The following NRG3 variants were observed in gnomAD, a reference collection of about 807,000 sequenced individuals.
The protein encoded by NRG3 is pro-neuregulin-3, membrane-bound isoform.
In NRG3, 31 loss-of-function variants were observed where a neutral mutation model predicts 66.9. That is an observed-to-expected ratio of 0.46 (90% confidence interval 0.35 to 0.63). The LOEUF (loss-of-function observed/expected upper bound fraction) is 0.63, where lower values mean the gene tolerates loss of function less well. NRG3 is among the 20% of genes least tolerant of loss of function. NRG3 has a pLI of 0.00. For synonymous variants in NRG3, 393 were observed against 359.4 expected, an observed-to-expected ratio of 1.09 and a Z score of -1.06; for missense variants, 910 against 878.9, an observed-to-expected ratio of 1.04 and a Z score of -0.45.
chr10:81,930,367 A>G (rs532153291), intron 1 of NRG3, among the ~76,000 whole-genome samples: 38 of 152,296 alleles, frequency 2.5e-4, no homozygotes, highest in African/African-American at 8.7e-4. Context: ...AATTCAGGAA[A>G]GCATTATACT....
intron 2 of NRG3, among the ~76,000 whole-genome samples, chr10:82,522,039 C>CTTTT (rs71009811): frequency 1.4e-4 from 14 of 97,744 alleles, no homozygotes; most frequent in African/African-American, 2.5e-4. Flanking sequence ...CCGCTGAAGT[C>CTTTT]TTTTTTTTTT....
At chr10:82,153,967 C>G (rs541326767) in intron 1 of NRG3, among the ~76,000 whole-genome samples, 2 of 151,680 alleles carry the variant, frequency 1.3e-5, no homozygotes, top group Admixed American at 1.3e-4. Context: ...GGATATTAGC[C>G]CCTTATCAGA....
chr10:82,151,043 C>A (rs1258311043), intron 1 of NRG3, among the ~76,000 whole-genome samples: 1 of 152,188 alleles, frequency 6.6e-6, no homozygotes, highest in Non-Finnish European at 1.5e-5. Flanking sequence ...TGTGCAAAAT[C>A]TGGCAAAAAT....
intron 1 of NRG3, among the ~76,000 whole-genome samples, chr10:81,928,467 A>C (rs539127339): frequency 5.6e-4 from 86 of 152,368 alleles, no homozygotes; most frequent in African/African-American, 2.0e-3. Flanking sequence ...TATTAAAACA[A>C]ATTATTTGAA....
At chr10:82,120,864 C>T (rs1265696687) in intron 1 of NRG3, among the ~76,000 whole-genome samples, 1 of 152,134 alleles carries the variant, frequency 6.6e-6, no homozygotes, top group African/African-American at 2.4e-5. Context: ...CGGGGAGTCT[C>T]ATTACTGCCT....
intron 1 of NRG3, among the ~76,000 whole-genome samples, chr10:82,002,937 T>C (rs1320304641): frequency 1.3e-5 from 2 of 152,192 alleles, no homozygotes; most frequent in African/African-American, 4.8e-5. Context: ...AGTGTTATTA[T>C]CTAACTCACA....
intron 4 of NRG3, among the ~76,000 whole-genome samples, chr10:82,949,467 A>T (rs950712464): frequency 1.3e-5 from 2 of 152,118 alleles, no homozygotes; most frequent in African/African-American, 4.8e-5. Flanking sequence ...TGAACACCAA[A>T]GGAATTATTA....
chr10:82,863,574 C>T (rs189899670), intron 3 of NRG3, among the ~76,000 whole-genome samples: 1 of 152,296 alleles, frequency 6.6e-6, no homozygotes, highest in East Asian at 1.9e-4. Context: ...GATGGTATCT[C>T]ATTGTGGTTT....
intron 1 of NRG3, among the ~76,000 whole-genome samples, chr10:82,135,930 G>C (rs74144160): frequency 0.021 from 3,267 of 152,090 alleles, 114 homozygotes; most frequent in African/African-American, 0.074. Context: ...TTGAAGAGTT[G>C]GGTATTTTTT....
Position 82,895,552 on chromosome 10 carries a change from A to G in NRG3, c.1054+30115A>G, listed in dbSNP as rs576574271. 7.8e-5 allele frequency among the ~76,000 whole-genome samples: 11 copies of G among 141,308 alleles called. No homozygotes were observed. In the East Asian group the frequency reaches 2.4e-3, roughly 31 times the overall value. The allele number at this position is 141,308 out of a possible 152,430, so 92.7% of individuals were successfully genotyped here. A position where few individuals can be genotyped will look rare whatever the true frequency, so the allele number is the denominator to read the frequency against. Reference sequence around the variant, plus strand: ...GTCACCCAGGCTGGAGTGCAGTGGCACGATCTCGGCTCACTGCAAGCTCTG... The same window carrying G: ...GTCACCCAGGCTGGAGTGCAGTGGCGCGATCTCGGCTCACTGCAAGCTCTG... On this transcript the variant is annotated intron_variant, in intron 4 of 8. Transcript: ENST00000372141.
intron 3 of NRG3, among the ~76,000 whole-genome samples, chr10:82,746,268 CAGCTAGAGT>C (rs2058641064): frequency 6.6e-6 from 1 of 152,148 alleles, no homozygotes; most frequent in East Asian, 1.9e-4. Flanking sequence ...TTGCCTCTCT[CAGCTAGAGT>C]GTTTGGGTCT....
At chr10:82,873,310 A>G (rs774567095) in intron 4 of NRG3, among the ~76,000 whole-genome samples, 2 of 152,190 alleles carry the variant, frequency 1.3e-5, no homozygotes, top group Non-Finnish European at 2.9e-5. Flanking sequence ...TCAGTAACCA[A>G]AAATATATAT....
At chr10:81,996,931 T>A (rs2133627584) in intron 1 of NRG3, among the ~76,000 whole-genome samples, 1 of 152,128 alleles carries the variant, frequency 6.6e-6, no homozygotes, top group South Asian at 2.1e-4. Context: ...CTCATAGGCA[T>A]GATTTGAAAA....
At position 82,985,726 on chromosome 10, in the gene NRG3, A is replaced by G. The variant is rs1853385605; in HGVS notation, c.*121A>G. 3 of 1,029,638 alleles carry G rather than the reference A, an allele frequency of 2.9e-6. No individual in the cohort carries two copies. Among genetic ancestry groups the G allele is most frequent in the African/African-American group, 1.6e-5 (1 of 61,988 alleles). 63.8% of individuals were successfully genotyped at this position (1,029,638 alleles called of 1,614,324 possible). ...CTACTTAGAAGAAACCAAATAGTCT[A>G]TCGCCCTCATATCATAGTGTTTTTT... On this transcript the variant is annotated 3_prime_UTR_variant, in exon 9 of 9. Coordinates refer to ENST00000372141, the MANE Select transcript of NRG3 (RefSeq NM_001010848.4).
At chr10:82,975,517 C>T (rs1056685131) in intron 7 of NRG3, among the ~76,000 whole-genome samples, 2 of 152,130 alleles carry the variant, frequency 1.3e-5, no homozygotes, top group African/African-American at 4.8e-5. Flanking sequence ...TTTAAGAGAC[C>T]TTCCTTTTTG....
At chr10:82,016,642 T>G (rs765055062) in intron 1 of NRG3, among the ~76,000 whole-genome samples, 2 of 152,072 alleles carry the variant, frequency 1.3e-5, no homozygotes, top group African/African-American at 2.4e-5. Context: ...AATGAAAAAT[T>G]ACAGGGAGAG....
At chr10:82,034,704 T>C (rs1004140567) in intron 1 of NRG3, among the ~76,000 whole-genome samples, 1 of 152,120 alleles carries the variant, frequency 6.6e-6, no homozygotes, top group African/African-American at 2.4e-5. Flanking sequence ...TCTTACTCCT[T>C]GTCAGTCACC....
intron 4 of NRG3, among the ~76,000 whole-genome samples, chr10:82,942,439 A>C (rs2132276434): frequency 6.6e-6 from 1 of 152,364 alleles, no homozygotes; most frequent in South Asian, 2.1e-4. Context: ...CTGGATCTGA[A>C]CTATGGCTGC....
At chr10:82,818,689 C>G (rs1337485655) in intron 3 of NRG3, among the ~76,000 whole-genome samples, 1 of 151,920 alleles carries the variant, frequency 6.6e-6, no homozygotes, top group East Asian at 1.9e-4. Context: ...CACATAAATT[C>G]CAGGGCTGCA....
Sources: gnomAD v4.1 joint callset for allele counts (sites outside exome capture counted in the v4.1 genomes callset) on GRCh38, gnomAD v4.1.1 for gene constraint, MANE v1.5 for transcripts, NCBI Gene and HGNC (gene_info 2026-07-23, HGNC 2026-07-21) for gene names.